CTNNA2: variants seen among roughly 807,000 people sequenced by gnomAD.
CTNNA2 encodes catenin alpha 2.
A neutral mutation model predicts 101.0 loss-of-function variants in CTNNA2; 42 were observed. The observed-to-expected ratio is 0.42, with a 90% CI of 0.32 to 0.54. CTNNA2 has a LOEUF of 0.54. Among genes scored for constraint, CTNNA2 ranks in the 20% least tolerant of loss-of-function variants. The probability of loss-of-function intolerance (pLI) is 0.14; values close to 1 mark genes in which losing one functional copy is unlikely to be tolerated. For synonymous variants in CTNNA2, 450 were observed against 456.4 expected, an observed-to-expected ratio of 0.99 and a Z score of 0.18; for missense variants, 871 against 1,223.1, an observed-to-expected ratio of 0.71 and a Z score of 4.29.
At chr2:79,918,841 G>A (rs939446928) in intron 7 of CTNNA2, among the ~76,000 whole-genome samples, 2 of 152,126 alleles carry the variant, frequency 1.3e-5, no homozygotes, top group South Asian at 2.1e-4. Context: ...AACAGAACAA[G>A]CCACTGTGAA....
chr2:79,349,207 G>C (rs1402478681), intron 3 of CTNNA2, among the ~76,000 whole-genome samples: 1 of 152,198 alleles, frequency 6.6e-6, no homozygotes, highest in Non-Finnish European at 1.5e-5. Context: ...TGCAGCATCA[G>C]TAGGTAATGA....
intron 7 of CTNNA2, among the ~76,000 whole-genome samples, chr2:80,054,713 G>C (rs1697108274): frequency 1.3e-5 from 2 of 152,162 alleles, no homozygotes; most frequent in Admixed American, 1.3e-4. Flanking sequence ...CTTTGCAAAA[G>C]TGGAGGACCT....
chr2:79,212,941 T>C (rs1040925091), intron 2 of CTNNA2, among the ~76,000 whole-genome samples: 3 of 152,084 alleles, frequency 2.0e-5, no homozygotes, highest in Admixed American at 6.6e-5. Context: ...TAGATTTCCA[T>C]GATGCAAAGG....
chr2:79,844,895 G>A (rs1371060201), intron 3 of CTNNA2, among the ~76,000 whole-genome samples: 1 of 151,608 alleles, frequency 6.6e-6, no homozygotes, highest in Non-Finnish European at 1.5e-5. Context: ...GGGCTGGGGA[G>A]TGGGCTGTGT....
chr2:79,529,955 G>A (rs1411094166), intron 1 of CTNNA2, among the ~76,000 whole-genome samples: 1 of 151,970 alleles, frequency 6.6e-6, no homozygotes, highest in Non-Finnish European at 1.5e-5. Flanking sequence ...TAAAAGTGTA[G>A]CAGTTGTGCA....
intron 4 of CTNNA2, among the ~76,000 whole-genome samples, chr2:79,393,061 A>G (rs116015354): frequency 0.012 from 1,846 of 152,272 alleles, 42 homozygotes; most frequent in African/African-American, 0.042. Flanking sequence ...TTGGATAAGG[A>G]TATGATCAAA....
intron 4 of CTNNA2, among the ~76,000 whole-genome samples, chr2:79,501,083 T>C (rs1247119901): frequency 2.6e-5 from 4 of 152,202 alleles, no homozygotes; most frequent in African/African-American, 9.6e-5. Context: ...TTTAAAACAA[T>C]AAGGTACTCT....
intron 3 of CTNNA2, among the ~76,000 whole-genome samples, chr2:79,778,934 A>G (rs778005397): frequency 2.6e-5 from 4 of 152,250 alleles, no homozygotes; most frequent in African/African-American, 4.8e-5. Context: ...TATTAAAACA[A>G]GTGGCAGTCT....
chr2:80,226,762 C>T (rs923509905), intron 7 of CTNNA2, among the ~76,000 whole-genome samples: 1 of 152,130 alleles, frequency 6.6e-6, no homozygotes, highest in Non-Finnish European at 1.5e-5. Flanking sequence ...CCAAAGGGAC[C>T]TGAAATTCAG....
At chr2:80,075,597 T>TTATA (rs1558783288) in intron 7 of CTNNA2, among the ~76,000 whole-genome samples, 4 of 75,304 alleles carry the variant, frequency 5.3e-5, no homozygotes, top group Non-Finnish European at 8.9e-5. Context: ...TGTATAAATA[T>TTATA]AAATATTTAT....
At chr2:79,238,268 C>A (rs569475005) in intron 2 of CTNNA2, among the ~76,000 whole-genome samples, 4 of 152,114 alleles carry the variant, frequency 2.6e-5, no homozygotes, top group African/African-American at 9.7e-5. Context: ...ATAGAGCAGT[C>A]GGAACACACA....
In CTNNA2 at chr2:79,622,339, A is replaced by G. The variant is rs79256403; in HGVS notation, c.-5-29213A>G. On this transcript the variant is annotated intron_variant, in intron 1 of 18. Transcript: ENST00000402739. ...TTTTACATGGTGCTGAAAATTTTCAATCCTTTTAAGCTGGATGCGTTAAAC... is the reference window on the plus strand; with the variant it reads ...TTTTACATGGTGCTGAAAATTTTCAGTCCTTTTAAGCTGGATGCGTTAAAC... Among the ~76,000 whole-genome samples, 199 of 152,280 alleles carry G rather than the reference A, an allele frequency of 1.3e-3. 3 individuals carry two copies. The East Asian group carries it at 0.022, about 17-fold the overall frequency.
At chr2:79,875,790 G>T (rs958471142) in intron 6 of CTNNA2, among the ~76,000 whole-genome samples, 6 of 151,836 alleles carry the variant, frequency 4.0e-5, no homozygotes, top group Admixed American at 3.3e-4. Flanking sequence ...CAGAAATGAA[G>T]ACTTAATAAT....
intron 7 of CTNNA2, among the ~76,000 whole-genome samples, chr2:80,074,881 G>A (rs189513279): frequency 1.5e-4 from 23 of 152,294 alleles, no homozygotes; most frequent in African/African-American, 5.5e-4. Flanking sequence ...GATCCTGGCT[G>A]AACCCTATTT....
chr2:79,886,802 T>C (rs1293529769), intron 6 of CTNNA2, among the ~76,000 whole-genome samples: 1 of 134,600 alleles, frequency 7.4e-6, no homozygotes, highest in African/African-American at 2.8e-5. Context: ...GTCAGACTTG[T>C]GGGGTTTTTG....
chr2:80,336,969 A>T (rs1671808078), intron 7 of CTNNA2, among the ~76,000 whole-genome samples: 1 of 152,090 alleles, frequency 6.6e-6, no homozygotes, highest in Admixed American at 6.5e-5. Context: ...CCCATTGCTG[A>T]CTTGGGCCTC....
intron 9 of CTNNA2, among the ~76,000 whole-genome samples, chr2:80,487,689 G>A (rs1007017900): frequency 1.7e-4 from 26 of 152,140 alleles, no homozygotes; most frequent in African/African-American, 4.6e-4. Flanking sequence ...TGGGGACACC[G>A]CCAAACCATA....
chr2:79,988,674 C>T (rs1443672984), intron 7 of CTNNA2, among the ~76,000 whole-genome samples: 1 of 152,082 alleles, frequency 6.6e-6, no homozygotes, highest in Non-Finnish European at 1.5e-5. Context: ...CCCACAGTTG[C>T]CAGAGTTGGA....
chr2:79,924,348 T>A (rs557870421), intron 7 of CTNNA2, among the ~76,000 whole-genome samples: 1 of 152,088 alleles, frequency 6.6e-6, no homozygotes, highest in African/African-American at 2.4e-5. Flanking sequence ...GGCTTAGGAT[T>A]TGGCTTTCTC....
Sources: gnomAD v4.1 joint callset for allele counts (sites outside exome capture counted in the v4.1 genomes callset) on GRCh38, gnomAD v4.1.1 for gene constraint, MANE v1.5 for transcripts, NCBI Gene and HGNC (gene_info 2026-07-23, HGNC 2026-07-21) for gene names.